The following LY6S variants were observed in gnomAD, a reference collection of about 807,000 sequenced individuals.
LY6S encodes lymphocyte antigen 6 family member S.
the LY6S span, chr8:143,057,895 C>T: frequency 1.8e-4 from 115 of 626,836 alleles, 1 homozygote; most frequent in East Asian, 3.1e-3. Flanking sequence ...TCAACCAGCC[C>T]ATGCGCAACC....
chr8:143,045,188 T>TCCGAGCACACCCA, the LY6S span, among the ~76,000 whole-genome samples: 1 of 152,030 alleles, frequency 6.6e-6, no homozygotes, highest in Non-Finnish European at 1.5e-5. This position sits in a 1 kb window ranked among gnomAD's most constrained non-coding sequence, Gnocchi z 5.3. Flanking sequence ...AGGCACGCCT[T>TCCGAGCACACCCA]CCGAGCACAC....
At chr8:143,075,181 C>T in the LY6S span, among the ~76,000 whole-genome samples, 2 of 151,748 alleles carry the variant, frequency 1.3e-5, no homozygotes, top group African/African-American at 4.8e-5. This position sits in a 1 kb window ranked among gnomAD's most constrained non-coding sequence, Gnocchi z 4.1. Context: ...AATTTTTGTT[C>T]CTTCAAACAC....
At chr8:143,046,253 C>T in the LY6S span, among the ~76,000 whole-genome samples, 1 of 152,128 alleles carries the variant, frequency 6.6e-6, no homozygotes, top group Non-Finnish European at 1.5e-5. Context: ...TAGCTTGAGG[C>T]CAGGAGTGAA....
At chr8:143,075,066 C>T in the LY6S span, among the ~76,000 whole-genome samples, 3 of 152,230 alleles carry the variant, frequency 2.0e-5, no homozygotes, top group Non-Finnish European at 4.4e-5. This position sits in a 1 kb window ranked among gnomAD's most constrained non-coding sequence, Gnocchi z 4.1. Context: ...TGTCTTTTTG[C>T]ATTACAAAAT....
At chr8:143,070,444 TTG>T in the LY6S span, among the ~76,000 whole-genome samples, 25 of 56,550 alleles carry the variant, frequency 4.4e-4, 1 homozygote, top group African/African-American at 1.8e-3. Context: ...TATATATATA[TTG>T]TATATATATA....
At chr8:143,073,884 T>G in the LY6S span, among the ~76,000 whole-genome samples, 6 of 140,942 alleles carry the variant, frequency 4.3e-5, no homozygotes, top group East Asian at 2.2e-4. Context: ...CCGGGGTTCC[T>G]GTTTGAGGAG....
chr8:143,072,031 C>G, the LY6S span, among the ~76,000 whole-genome samples: 1 of 152,254 alleles, frequency 6.6e-6, no homozygotes, highest in African/African-American at 2.4e-5. Flanking sequence ...TTCCTCCTGA[C>G]ATTGCAGTTG....
At chr8:143,042,953 G>A in the LY6S span, 2 of 1,320,286 alleles carry the variant, frequency 1.5e-6, no homozygotes, top group Admixed American at 1.9e-5. Context: ...TATGTTCCCT[G>A]ACAGGGAAGC....
the LY6S span, chr8:143,049,263 G>A: frequency 1.9e-6 from 1 of 534,750 alleles, no homozygotes; most frequent in Non-Finnish European, 3.8e-6. Flanking sequence ...ACACCCCTGG[G>A]ATGTATCTGT....
the LY6S span, among the ~76,000 whole-genome samples, chr8:143,052,280 C>CAA: frequency 6.9e-6 from 1 of 144,902 alleles, no homozygotes; most frequent in African/African-American, 2.5e-5. Context: ...GACTCCGTCT[C>CAA]AAAAAAAAAA....
chr8:143,066,023 G>A, the LY6S span: 1 of 372,370 alleles, frequency 2.7e-6, no homozygotes, highest in Non-Finnish European at 5.1e-6. Context: ...CTACCTTGCT[G>A]TGCATTGCAC....
At chr8:143,049,662 C>T in the LY6S span, among the ~76,000 whole-genome samples, 10 of 152,238 alleles carry the variant, frequency 6.6e-5, no homozygotes, top group Admixed American at 6.5e-5. Context: ...CAGCATCCCC[C>T]GCACTATCAG....
At chr8:143,057,893 C>T in the LY6S span, 6 of 628,374 alleles carry the variant, frequency 9.5e-6, no homozygotes, top group South Asian at 3.5e-5. Flanking sequence ...TTTCAACCAG[C>T]CCATGCGCAA....
chr8:143,072,134 G>C, the LY6S span, among the ~76,000 whole-genome samples: 16,006 of 142,494 alleles, frequency 0.11, 1,270 homozygotes, highest in East Asian at 0.3. Context: ...CAGAATCCAA[G>C]TTGGTAATTT....
chr8:143,045,166 G>A, the LY6S span, among the ~76,000 whole-genome samples: 2 of 152,064 alleles, frequency 1.3e-5, no homozygotes, highest in African/African-American at 2.4e-5. This position sits in a 1 kb window ranked among gnomAD's most constrained non-coding sequence, Gnocchi z 5.3. Flanking sequence ...ACCGAAGCCC[G>A]CCACCCCCAG....
the LY6S span, among the ~76,000 whole-genome samples, chr8:143,060,246 G>A: frequency 6.6e-6 from 1 of 152,122 alleles, no homozygotes; most frequent in African/African-American, 2.4e-5. Context: ...CCCTTTCCCT[G>A]AGGAAGTTAG....
the LY6S span, among the ~76,000 whole-genome samples, chr8:143,072,894 T>C: frequency 2.9e-4 from 25 of 87,516 alleles, no homozygotes; most frequent in African/African-American, 5.5e-4. Context: ...GTCCCCGGGG[T>C]CCCTGTTTGA....
the LY6S span, among the ~76,000 whole-genome samples, chr8:143,072,184 T>G: frequency 1.3e-5 from 2 of 152,204 alleles, no homozygotes; most frequent in East Asian, 3.9e-4. Flanking sequence ...CCGAAGTTCC[T>G]GTTTGAGAAG....
At chr8:143,040,901 T>C in the LY6S span, among the ~76,000 whole-genome samples, 1 of 152,188 alleles carries the variant, frequency 6.6e-6, no homozygotes, top group African/African-American at 2.4e-5. Context: ...TGATGCCCCC[T>C]GAGCCGTAAA....
Sources: allele counts gnomAD v4.1 joint callset (sites outside exome capture counted in the v4.1 genomes callset), GRCh38; gene constraint gnomAD v4.1.1; non-coding constraint Gnocchi (gnomAD v3.1); transcripts MANE v1.5; gene names NCBI Gene and HGNC (gene_info 2026-07-23, HGNC 2026-07-21).